TRIM23: variants seen among roughly 807,000 people sequenced by gnomAD.
TRIM23 encodes the protein E3 ubiquitin-protein ligase TRIM23.
In TRIM23, 27 loss-of-function variants were observed where a neutral mutation model predicts 71.0. That is an observed-to-expected ratio of 0.38 (90% CI 0.28 to 0.52). The LOEUF (loss-of-function observed/expected upper bound fraction) is 0.52. TRIM23 is among the 20% of genes least tolerant of loss of function. TRIM23 has a pLI of 0.84. For synonymous variants in TRIM23, 234 were observed against 238.0 expected (o/e 0.98, Z 0.16); for missense variants, 482 against 692.3 (o/e 0.70, Z 3.41).
intron 8 of TRIM23, 39 bp downstream of exon 8, chr5:65,597,012 G>C: frequency 6.2e-7 from 1 of 1,607,422 alleles, no homozygotes; most frequent in Non-Finnish European, 8.5e-7. Context: ...TGTAAGCTAG[G>C]GTTTGTCTAT....
intron 1 of TRIM23, among the ~76,000 whole-genome samples, chr5:65,620,414 A>G (rs1754899328): frequency 6.6e-6 from 1 of 152,224 alleles, no homozygotes; most frequent in Non-Finnish European, 1.5e-5. Context: ...ATATACATCA[A>G]TATCAGCTTG....
At chr5:65,623,054 C>A (rs1754988870) in intron 1 of TRIM23, among the ~76,000 whole-genome samples, 1 of 152,176 alleles carries the variant, frequency 6.6e-6, no homozygotes, top group Non-Finnish European at 1.5e-5. Flanking sequence ...TGTAGAATAA[C>A]TTCATTAGTA....
At chr5:65,612,190 A>G (rs939506693) in intron 3 of TRIM23, among the ~76,000 whole-genome samples, 10 of 152,226 alleles carry the variant, frequency 6.6e-5, no homozygotes, top group Non-Finnish European at 1.5e-4. Flanking sequence ...TTTACACAAA[A>G]GAAACTAAAC....
At position 65,597,165 on chromosome 5, in the gene TRIM23, T is replaced by G. The variant is rs1754230290; in HGVS notation, c.1195A>C (p.Ile399Leu). The change falls in exon 8 of 11, where the codon ATT (isoleucine) becomes CTT (leucine). Residue 399 changes from isoleucine (I) to leucine (L), a missense_variant. By Grantham distance (5) the Ile-to-Leu change is conservative. Coordinates refer to ENST00000231524, the MANE Select transcript of TRIM23 (RefSeq NM_001656.4). ...VTFTKDNRVH[I>L]GPKMEIRVVT... is the part of the protein sequence containing the mutation. The stretch of plus-strand genomic sequence containing the variant: ...ACCCGAATTTCCATTTTTGGTCCAA[T>G]GTGAACTCGATTATCCTACAATTTA... 8 of 1,614,026 alleles carry G rather than the reference T, an allele frequency of 5.0e-6. No homozygotes were observed. Among genetic ancestry groups the G allele is most frequent in the African/African-American group, 1.3e-5 (1 of 74,940 alleles).
chr5:65,601,063 T>C (rs1157046570), intron 7 of TRIM23, among the ~76,000 whole-genome samples: 1 of 152,234 alleles, frequency 6.6e-6, no homozygotes, highest in African/African-American at 2.4e-5. Flanking sequence ...GGTGCAACCA[T>C]TATGGAAAAC....
chr5:65,621,838 T>G (rs75179968), intron 1 of TRIM23, among the ~76,000 whole-genome samples: 2 of 151,414 alleles, frequency 1.3e-5, no homozygotes, highest in South Asian at 4.2e-4. Flanking sequence ...TATTATTATT[T>G]TTTTTTTGAG....
intron 7 of TRIM23, among the ~76,000 whole-genome samples, chr5:65,603,594 C>A (rs966916059): frequency 6.6e-6 from 1 of 151,936 alleles, no homozygotes; most frequent in African/African-American, 2.4e-5. Flanking sequence ...GGTAGAAGGA[C>A]CAGGCATAAA....
intron 10 of TRIM23, among the ~76,000 whole-genome samples, chr5:65,592,829 T>C (rs568657194): frequency 6.6e-5 from 10 of 152,338 alleles, no homozygotes; most frequent in Admixed American, 4.6e-4. Context: ...TCAGCACAGA[T>C]GGTCTGCATT....
At chr5:65,603,505 T>A (rs892490162) in intron 7 of TRIM23, among the ~76,000 whole-genome samples, 1 of 152,158 alleles carries the variant, frequency 6.6e-6, no homozygotes, top group Non-Finnish European at 1.5e-5. Flanking sequence ...TATAAACATA[T>A]GTCTCTATAC....
chr5:65,604,943 A>C lies in TRIM23; in HGVS notation c.1147T>G (p.Leu383Val), dbSNP rs1754457336. Residue 383 changes from leucine (L) to valine (V), a missense_variant, in exon 7 of 11, where the codon TTG (leucine) becomes GTG (valine). By Grantham distance (32) the Leu-to-Val change is conservative. Around this residue, in one of 2 missense-constraint regions of TRIM23, gnomAD observed 307 missense variants for 495.8 expected, o/e 0.62. Transcript: ENST00000231524. ...AAAGTGACAGGGATGCTGGCATCCA[A>C]CTGAATGTGATCTGCAACTTCTGTA... ...QFTEVADHIQ[L>V]DASIPVTFTK... 8 of 1,613,938 alleles carry C rather than the reference A, an allele frequency of 5.0e-6. No individual in the cohort carries two copies. The highest frequency in any genetic ancestry group is 6.8e-6 in the Non-Finnish European group (8 of 1,179,920).
intron 6 of TRIM23, chr5:65,606,870 A>G (rs1015657778): frequency 6.6e-6 from 1 of 152,228 alleles, no homozygotes; most frequent in Non-Finnish European, 1.5e-5. Context: ...AGTATAATTA[A>G]CTTACTTAGA....
chr5:65,602,820 T>G (rs567673680), intron 7 of TRIM23, among the ~76,000 whole-genome samples: 3 of 152,146 alleles, frequency 2.0e-5, no homozygotes, highest in East Asian at 3.9e-4. Flanking sequence ...ACTTATTCAC[T>G]ATCACAAGAA....
intron 6 of TRIM23, among the ~76,000 whole-genome samples, 179 bp downstream of exon 6, chr5:65,609,064 G>A (rs564815946): frequency 3.9e-5 from 6 of 152,256 alleles, no homozygotes; most frequent in African/African-American, 1.4e-4. Context: ...GGAAAGGCAC[G>A]TGAACGACAC....
intron 10 of TRIM23, among the ~76,000 whole-genome samples, chr5:65,592,562 AT>A (rs1483013988): frequency 6.6e-6 from 1 of 152,006 alleles, no homozygotes; most frequent in Non-Finnish European, 1.5e-5. Context: ...AAAAAAAAAA[AT>A]TAACACATAG....
At chr5:65,599,112 G>A (rs1212148860) in intron 7 of TRIM23, among the ~76,000 whole-genome samples, 2 of 151,978 alleles carry the variant, frequency 1.3e-5, no homozygotes, top group Non-Finnish European at 2.9e-5. Flanking sequence ...AAATTGTAAA[G>A]GAAGATGTAA....
Position 65,618,111 on chromosome 5 carries a change from G to A in TRIM23, c.226C>T (p.Arg76Ter). 3 of 1,612,296 alleles carry A rather than the reference G, an allele frequency of 1.9e-6. No homozygotes were observed. The highest frequency in any genetic ancestry group is 2.2e-5 in the South Asian group (2 of 90,738). Residue 76 changes from arginine to a stop codon, truncating the protein, a stop_gained, in exon 2 of 11, where the codon CGA (arginine) becomes TGA (stop). Transcript: ENST00000231524. LOFTEE classifies it high-confidence loss of function. ...TTCCTACCTAGGTCTGTTACTTGTC[G>A]ATCAAATGGGCAACGGATTGCTCTT... is the stretch of plus-strand genomic sequence containing the variant. ...HGRAIRCPFDRQVTDLGDSGV... is the reference protein window; with the variant it reads ...HGRAIRCPFD
chr5:65,615,204 T>C (rs796623222), intron 2 of TRIM23, among the ~76,000 whole-genome samples: 5 of 152,256 alleles, frequency 3.3e-5, no homozygotes, highest in African/African-American at 1.2e-4. Context: ...GCCCAGCCTA[T>C]TTCTCTATCA....
Position 65,605,034 on chromosome 5 carries a change from T to C in TRIM23, c.1056A>G (p.Arg352=). The C allele has an allele frequency of 2.5e-6, 4 of 1,613,024 alleles. No homozygotes were observed. In the South Asian group the frequency reaches 4.4e-5, roughly 18 times the overall value. Residue 352 remains arginine (R), a synonymous_variant, in exon 7 of 11, where the codon AGA becomes AGG. Coordinates refer to ENST00000231524, the MANE Select transcript of TRIM23 (RefSeq NM_001656.4). ...CEKTLQQDDC[R]VVLAKQEITR... ...TAATTTCCTGTTTTGCCAAGACAAC[T>C]CTACAATCATCCTATAAGAGGCAAA...
At position 65,590,346 on chromosome 5, in the gene TRIM23, T is replaced by C; in HGVS notation, c.*1423A>G. The C allele has an allele frequency of 1.4e-6, 2 of 1,464,764 alleles. No individual in the cohort carries two copies. Among genetic ancestry groups the C allele is most frequent in the Non-Finnish European group, 1.9e-6 (2 of 1,076,212 alleles). 90.7% of individuals were successfully genotyped at this position (1,464,764 alleles called of 1,614,324 possible). A position where few individuals can be genotyped will look rare whatever the true frequency, so the allele number is the denominator to read the frequency against. ...AATATTACATTTATTTATTTACATA[T>C]TGCCCATAATACTGATAGGCTTTTT... is the stretch of plus-strand genomic sequence containing the variant. On this transcript the variant is annotated 3_prime_UTR_variant, in exon 11 of 11. Transcript: ENST00000231524.
Sources: allele counts gnomAD v4.1 joint callset (sites outside exome capture counted in the v4.1 genomes callset), GRCh38; gene constraint gnomAD v4.1.1; regional missense constraint gnomAD v4.1.1; transcripts MANE v1.5; gene names NCBI Gene and HGNC (gene_info 2026-07-23, HGNC 2026-07-21).